TPM3: variants seen among roughly 807,000 people sequenced by gnomAD.
The protein encoded by TPM3 is tropomyosin 3, also known as tropomyosin alpha-3 chain.
In TPM3, 16 loss-of-function variants were observed where a neutral mutation model predicts 43.1. The observed-to-expected ratio is 0.37, with a 90% CI of 0.25 to 0.56. The LOEUF is 0.56. Ranked by LOEUF, TPM3 falls within the 20% of genes least tolerant of loss-of-function variation. The pLI is 0.77. For synonymous variants in TPM3, 101 were observed against 116.9 expected (o/e 0.86, Z 0.88); for missense variants, 176 against 337.2 (o/e 0.52, Z 3.74).
intron 9 of TPM3, among the ~76,000 whole-genome samples, chr1:154,168,903 T>C (rs574237343): frequency 2.0e-5 from 3 of 151,788 alleles, no homozygotes; most frequent in Non-Finnish European, 4.4e-5. Flanking sequence ...TGGCACATCT[T>C]GGCTCACTGT....
At chr1:154,158,978 C>A (rs779246340), downstream of TPM3, 5 of 780,632 alleles carry the variant, frequency 6.4e-6, no homozygotes. Flanking sequence ...ATCAGTCACA[C>A]AGATCATGCA....
Position 154,162,309 on chromosome 1 carries a change from G to A in TPM3, c.*5628C>T, listed in dbSNP as rs1327511243. On this transcript the variant is annotated 3_prime_UTR_variant, in exon 10 of 10. Coordinates refer to ENST00000651641, the MANE Select transcript of TPM3 (RefSeq NM_152263.4). Reference sequence around the variant, plus strand: ...AAACCCAGGAGGCGGAGCTTGCAGTGAGCCAAGATCACACCACCGCACTCC... The same window carrying A: ...AAACCCAGGAGGCGGAGCTTGCAGTAAGCCAAGATCACACCACCGCACTCC... Among the ~76,000 whole-genome samples, 2 of 140,512 alleles carry A rather than the reference G, an allele frequency of 1.4e-5. No individual in the cohort carries two copies. Among genetic ancestry groups the A allele is most frequent in the Non-Finnish European group, 3.0e-5 (2 of 66,614 alleles). The allele number at this position is 140,512 out of a possible 152,430, so 92.2% of individuals were successfully genotyped here.
At chr1:154,170,174 T>C (rs554450943) in intron 8 of TPM3, 5 of 554,126 alleles carry the variant, frequency 9.0e-6, no homozygotes, top group African/African-American at 3.8e-5. Context: ...AGGGTACAAA[T>C]TGCAGACTAT....
intron 9 of TPM3, among the ~76,000 whole-genome samples, chr1:154,168,269 A>G (rs1046440749): frequency 1.6e-4 from 25 of 152,266 alleles, no homozygotes; most frequent in African/African-American, 6.0e-4. Flanking sequence ...AGTTCCCTGA[A>G]CTTTAATATC....
At chr1:154,160,214 T>G (rs534465811), downstream of TPM3, among the ~76,000 whole-genome samples, 1 of 152,274 alleles carries the variant, frequency 6.6e-6, no homozygotes, top group South Asian at 2.1e-4. Context: ...GGTATACTCC[T>G]AGTATCAACC....
At position 154,163,529 on chromosome 1, in the gene TPM3, C is replaced by G. The variant is rs190755789; in HGVS notation, c.*4408G>C. On this transcript the variant is annotated 3_prime_UTR_variant, in exon 10 of 10. Transcript: ENST00000651641. ...CCTTCTTAGCCTCTCTGTTGAAAAA[C>G]CACTAGAAAGCATCCAACCCGGAAC... is the stretch of plus-strand genomic sequence containing the variant. 6.6e-6 allele frequency among the ~76,000 whole-genome samples: 1 copy of G among 152,180 alleles called. No individual in the cohort carries two copies. Among genetic ancestry groups the G allele is most frequent in the Admixed American group, 6.6e-5 (1 of 15,264 alleles).
chr1:154,190,749 C>T (rs573939501), intron 2 of TPM3, among the ~76,000 whole-genome samples: 6 of 152,232 alleles, frequency 3.9e-5, no homozygotes, highest in South Asian at 4.1e-4. Context: ...TTGTGAAATC[C>T]GAGCTGGTTT....
chr1:154,190,516 G>A lies in TPM3; in HGVS notation c.243+670C>T, dbSNP rs542764380. Among the ~76,000 whole-genome samples the A allele has an allele frequency of 2.1e-5, 3 of 144,718 alleles. No homozygotes were observed. In the South Asian group the frequency reaches 6.2e-4, roughly 30 times the overall value. 94.9% of individuals were successfully genotyped at this position (144,718 alleles called of 152,430 possible). ...AATGGGAAAATTCAGCCCTAGACAA[G>A]CTGAGTAATTACTCACGGTCATAGA... On this transcript the variant is annotated intron_variant, in intron 2 of 9. Transcript: ENST00000651641.
chr1:154,183,208 C>A, intron 2 of TPM3: 3 of 1,576,814 alleles, frequency 1.9e-6, no homozygotes, highest in Non-Finnish European at 2.6e-6. Flanking sequence ...CCGCCTGCTA[C>A]GCCCTGAAAT....
At chr1:154,173,297 T>C in intron 3 of TPM3, 96 bp from the exon 4 acceptor site, 1 of 953,386 alleles carries the variant, frequency 1.0e-6, no homozygotes. Flanking sequence ...AAAAGCCCAC[T>C]CCTCTCTGTC....
At chr1:154,182,800 G>C (rs1663110557) in intron 2 of TPM3, among the ~76,000 whole-genome samples, 1 of 152,100 alleles carries the variant, frequency 6.6e-6, no homozygotes, top group East Asian at 1.9e-4. Context: ...GCTCGCCCGA[G>C]CACTGTTTCC....
At chr1:154,170,348 G>A (rs1316407559) in intron 8 of TPM3, 52 bp downstream of exon 8, 2 of 1,574,048 alleles carry the variant, frequency 1.3e-6, no homozygotes, top group Non-Finnish European at 1.7e-6. Flanking sequence ...ATGGTTAATG[G>A]GCAGTCTTCC....
chr1:154,155,956 G>A (rs1248573638), downstream of TPM3: 1 of 188,388 alleles, frequency 5.3e-6, no homozygotes, highest in Non-Finnish European at 1.1e-5. Context: ...CCAGCTGGGT[G>A]CGGTGGCTCA....
chr1:154,185,946 C>G (rs933918379), intron 2 of TPM3, among the ~76,000 whole-genome samples: 15 of 151,484 alleles, frequency 9.9e-5, no homozygotes, highest in Non-Finnish European at 4.4e-5. Context: ...GTCCTAATCC[C>G]TGAAAGGAAT....
downstream of TPM3, among the ~76,000 whole-genome samples, chr1:154,159,824 C>G (rs1193218308): frequency 6.6e-6 from 1 of 152,040 alleles, no homozygotes; most frequent in Non-Finnish European, 1.5e-5. Flanking sequence ...TTCCCTCTTG[C>G]CTTCAACATG....
downstream of TPM3, chr1:154,158,893 T>A (rs577824728): frequency 1.3e-6 from 1 of 771,522 alleles, no homozygotes; most frequent in East Asian, 2.4e-5. Context: ...AAAAAGACAA[T>A]CAGCTTTTTG....
chr1:154,175,742 A>G (rs1424685098), intron 3 of TPM3, among the ~76,000 whole-genome samples: 1 of 152,238 alleles, frequency 6.6e-6, no homozygotes, highest in South Asian at 2.1e-4. Flanking sequence ...CATTAGGCCA[A>G]TTTGTAAGGA....
chr1:154,173,975 G>A (rs1365998487), intron 3 of TPM3, among the ~76,000 whole-genome samples: 3 of 151,912 alleles, frequency 2.0e-5, no homozygotes, highest in Non-Finnish European at 2.9e-5. Flanking sequence ...GTGAGACACC[G>A]TCTCCTCCAC....
chr1:154,190,062 C>T (rs1663616382), intron 2 of TPM3, among the ~76,000 whole-genome samples: 1 of 152,040 alleles, frequency 6.6e-6, no homozygotes, highest in African/African-American at 2.4e-5. Flanking sequence ...CTGCCTCAGC[C>T]TCCTGAGTAG....
Sources: allele counts gnomAD v4.1 joint callset (sites outside exome capture counted in the v4.1 genomes callset), GRCh38; gene constraint gnomAD v4.1.1; transcripts MANE v1.5; gene names NCBI Gene and HGNC (gene_info 2026-07-23, HGNC 2026-07-21).